ADAM10: variants seen among roughly 807,000 people sequenced by gnomAD.
ADAM10 encodes the protein ADAM metallopeptidase domain 10.
ADAM10 carries 17 observed loss-of-function variants against 90.1 expected under a neutral mutation model. The ratio of observed to expected loss-of-function variants is 0.19; its 90% CI spans 0.13 to 0.28. The LOEUF (loss-of-function observed/expected upper bound fraction) is 0.28. Among genes scored for constraint, ADAM10 ranks in the 10% least tolerant of loss-of-function variants. ADAM10 has a pLI of 1.00. For missense variants in ADAM10, 610 were observed against 914.3 expected (o/e 0.67, Z 4.29); for synonymous variants, 310 against 298.6 (o/e 1.04, Z -0.40).
At chr15:58,726,176 CA>C (rs1285815158) in intron 1 of ADAM10, among the ~76,000 whole-genome samples, 1 of 152,054 alleles carries the variant, frequency 6.6e-6, no homozygotes, top group Non-Finnish European at 1.5e-5. Context: ...ACATATACTC[CA>C]TATGAAGTGA....
chr15:58,664,452 CA>C (rs1319384118), intron 5 of ADAM10, among the ~76,000 whole-genome samples: 3 of 152,032 alleles, frequency 2.0e-5, no homozygotes, highest in African/African-American at 7.2e-5. Flanking sequence ...CCACCTGAAA[CA>C]GAATTGTTTA....
intron 1 of ADAM10, among the ~76,000 whole-genome samples, chr15:58,736,813 G>A (rs866759230): frequency 6.6e-6 from 1 of 151,930 alleles, no homozygotes; most frequent in Admixed American, 6.6e-5. Flanking sequence ...TTGGATCTAC[G>A]AGATAGAGAA....
intron 1 of ADAM10, chr15:58,749,046 G>A (rs1173191895): frequency 6.3e-5 from 25 of 398,936 alleles, no homozygotes; most frequent in Non-Finnish European, 9.3e-5. Context: ...GCTGGGGGAG[G>A]AATGGTGAGC....
chr15:58,661,713 G>A (rs1273262343), intron 5 of ADAM10, among the ~76,000 whole-genome samples: 3 of 152,024 alleles, frequency 2.0e-5, no homozygotes, highest in East Asian at 1.9e-4. Flanking sequence ...AAAATTCGGA[G>A]GCATTAATTT....
chr15:58,597,367 GA>G lies in ADAM10; in HGVS notation c.*179del. On this transcript the variant is annotated 3_prime_UTR_variant, in exon 16 of 16. Transcript: ENST00000260408. ...TTTTCCACCTCCCACCCCCAAATTG[GA>G]ATTTTCAGGCTTTAAAATTTAAGTA... 10 of 1,542,084 alleles carry G rather than the reference GA, an allele frequency of 6.5e-6. No homozygotes were observed. The highest frequency in any genetic ancestry group is 8.7e-6 in the Non-Finnish European group (10 of 1,143,254).
intron 2 of ADAM10, among the ~76,000 whole-genome samples, chr15:58,696,347 G>A (rs1244838055): frequency 2.0e-5 from 3 of 151,770 alleles, no homozygotes; most frequent in African/African-American, 7.3e-5. Context: ...AAATATTTAT[G>A]TATCTATTAA....
Position 58,610,334 on chromosome 15 carries a change from C to T in ADAM10, c.1988G>A (p.Ser663Asn). 1.2e-6 allele frequency: 2 copies of T among 1,614,142 alleles called. No individual in the cohort carries two copies. The highest frequency in any genetic ancestry group is 1.7e-6 in the Non-Finnish European group (2 of 1,180,000). ...PLARLKKAIF[S>N]PELYENIAEW... is the part of the protein sequence containing the mutation. ...AGCAATGTTTTCATAGAGCTCTGGA[C>T]TAAAAATTGCTTTTTTAAGCCTAGC... The change falls in exon 14 of 16, where the codon AGT (serine) becomes AAT (asparagine). Residue 663 changes from serine to asparagine, a missense_variant. By Grantham distance (46) the Ser-to-Asn change is conservative (BLOSUM62 1). Coordinates refer to ENST00000260408, the MANE Select transcript of ADAM10 (RefSeq NM_001110.4).
chr15:58,749,438 G>C (rs1374515384), intron 1 of ADAM10, 42 bp downstream of exon 1: 1 of 1,517,438 alleles, frequency 6.6e-7, no homozygotes, highest in Admixed American at 2.1e-5. Flanking sequence ...CCGCCGCTCC[G>C]CCGTGGTCGC....
At chr15:58,664,761 A>G (rs1897041399) in intron 5 of ADAM10, among the ~76,000 whole-genome samples, 1 of 152,182 alleles carries the variant, frequency 6.6e-6, no homozygotes, top group South Asian at 2.1e-4. Context: ...AAAATGAGGA[A>G]TACCTTGGCA....
chr15:58,646,243 T>A, intron 5 of ADAM10, 39 bp from the exon 6 acceptor site: 1 of 1,571,350 alleles, frequency 6.4e-7, no homozygotes, highest in Non-Finnish European at 8.7e-7. Context: ...TTAGTATGCT[T>A]CAATACTATC....
intron 6 of ADAM10, among the ~76,000 whole-genome samples, chr15:58,644,629 G>C (rs1358328214): frequency 2.0e-5 from 3 of 152,138 alleles, no homozygotes; most frequent in African/African-American, 7.2e-5. Flanking sequence ...CCTATGCGTA[G>C]AGTATCCTTC....
intron 10 of ADAM10, 75 bp downstream of exon 10, chr15:58,627,625 A>T: frequency 2.2e-6 from 3 of 1,342,502 alleles, no homozygotes; most frequent in Non-Finnish European, 3.2e-6. Context: ...TATGTCAGTA[A>T]TCACTATAGA....
intron 9 of ADAM10, among the ~76,000 whole-genome samples, chr15:58,630,679 C>A (rs2140670805): frequency 6.6e-6 from 1 of 152,186 alleles, no homozygotes; most frequent in South Asian, 2.1e-4. Flanking sequence ...AGGATAAATA[C>A]ATTTAAGAAA....
intron 1 of ADAM10, among the ~76,000 whole-genome samples, chr15:58,722,381 A>T (rs149695565): frequency 0.018 from 2,745 of 151,742 alleles, 48 homozygotes; most frequent in Non-Finnish European, 0.027. Context: ...AATAAATAAT[A>T]CAAAAAAACT....
intron 5 of ADAM10, among the ~76,000 whole-genome samples, chr15:58,661,986 T>C (rs1184551515): frequency 3.3e-5 from 5 of 152,210 alleles, no homozygotes; most frequent in Non-Finnish European, 7.3e-5. Flanking sequence ...TTGAACATAC[T>C]AATAATAGTT....
chr15:58,697,027 T>C (rs1264277855), intron 2 of ADAM10, among the ~76,000 whole-genome samples: 1 of 152,064 alleles, frequency 6.6e-6, no homozygotes, highest in South Asian at 2.1e-4. Flanking sequence ...CAAGCCAAAG[T>C]GTAAACCACT....
intron 5 of ADAM10, among the ~76,000 whole-genome samples, chr15:58,659,827 C>G (rs369740584): frequency 6.6e-6 from 1 of 152,162 alleles, no homozygotes; most frequent in East Asian, 1.9e-4. Context: ...CTCCTGGATT[C>G]ATGCCATTCT....
At chr15:58,635,404 C>T (rs913438449) in intron 8 of ADAM10, among the ~76,000 whole-genome samples, 2 of 151,952 alleles carry the variant, frequency 1.3e-5, no homozygotes, top group South Asian at 2.1e-4. Context: ...AGACTATAGG[C>T]CGGACAAATA....
chr15:58,693,903 A>T (rs1450612378), intron 2 of ADAM10, among the ~76,000 whole-genome samples: 1 of 152,232 alleles, frequency 6.6e-6, no homozygotes, highest in African/African-American at 2.4e-5. Flanking sequence ...GACAAACAAC[A>T]ATGTGAAAAA....
Sources: allele counts gnomAD v4.1 joint callset (sites outside exome capture counted in the v4.1 genomes callset), GRCh38; gene constraint gnomAD v4.1.1; transcripts MANE v1.5; gene names NCBI Gene and HGNC (gene_info 2026-07-23, HGNC 2026-07-21).